Variants in HCFC1R1 observed in about 807,000 individuals in gnomAD.
The protein encoded by HCFC1R1 is host cell factor C1 regulator 1.
HCFC1R1 carries 17 observed loss-of-function variants against 13.3 expected under a neutral mutation model. The observed-to-expected ratio is 1.28, with a 90% CI of 0.87 to 1.91. HCFC1R1 has a LOEUF of 1.91. Ranked by LOEUF, HCFC1R1 falls within the 40% of genes most tolerant of loss-of-function variation. The pLI is 0.00. For missense variants in HCFC1R1, 218 were observed against 177.9 expected, an observed-to-expected ratio of 1.23 and a Z score of -1.28; for synonymous variants, 87 against 71.1, an observed-to-expected ratio of 1.22 and a Z score of -1.12.
At chr16:3,023,592 G>T in intron 1 of HCFC1R1, 62 bp from the exon 2 acceptor site, 2 of 1,482,296 alleles carry the variant, frequency 1.3e-6, no homozygotes, top group South Asian at 1.3e-5. Context: ...GGATCTGCCC[G>T]CCTAAGCCTG....
chr16:3,024,105 G>A (rs1356721680), upstream of HCFC1R1: 5 of 710,736 alleles, frequency 7.0e-6, no homozygotes, highest in Middle Eastern at 3.7e-4. Flanking sequence ...GCTCCTCGGG[G>A]TGGGGGAGGG....
upstream of HCFC1R1, chr16:3,024,269 G>A (rs371546709): frequency 1.9e-6 from 3 of 1,610,602 alleles, no homozygotes; most frequent in South Asian, 2.2e-5. Flanking sequence ...CTCTAGGCAC[G>A]TAAGGCCTCG....
chr16:3,023,719 C>G, intron 1 of HCFC1R1, 128 bp downstream of exon 1: 1 of 1,029,152 alleles, frequency 9.7e-7, no homozygotes, highest in South Asian at 1.5e-5. Context: ...AGCCCCAGTC[C>G]CATCTCAGCT....
chr16:3,022,988 A>G lies in HCFC1R1; in HGVS notation c.292T>C (p.Ser98Pro), dbSNP rs779183106. The G allele has an allele frequency of 1.4e-5, 23 of 1,598,662 alleles. No individual in the cohort carries two copies. Among genetic ancestry groups the G allele is most frequent in the Non-Finnish European group, 1.6e-5 (19 of 1,175,460 alleles). Residue 98 changes from serine to proline, a missense_variant, in exon 4 of 4, where the codon TCT (serine) becomes CCT (proline). Ser to Pro is a moderately conservative substitution (Grantham distance 74, BLOSUM62 -1). Transcript: ENST00000248089. The stretch of plus-strand genomic sequence containing the variant: ...GGATAGCGCCAGAGAAGCAGCTCAG[A>G]GCAAGGGCTCCTAGAAGAGGAAATG... ...PALPPLRSPC[S>P]ELLLWRYPGS... is the part of the protein sequence containing the mutation.
intron 3 of HCFC1R1, 43 bp downstream of exon 3, chr16:3,023,190 C>A (rs374009310): frequency 5.9e-6 from 9 of 1,527,240 alleles, no homozygotes; most frequent in Non-Finnish European, 7.9e-6. Context: ...CTGTGAGGAC[C>A]GCCTGTGATT....
In HCFC1R1 at chr16:3,023,493, G is replaced by A; in HGVS notation, c.133C>T (p.Arg45Trp). Residue 45 changes from arginine (R) to tryptophan (W), a missense_variant, in exon 2 of 4, where the codon CGG (arginine) becomes TGG (tryptophan). Physicochemically the swap from Arg to Trp is moderately radical, Grantham distance 101. Transcript: ENST00000248089. ...LRGAVPMSTK[R>W]RLEEEQEPLR... The stretch of plus-strand genomic sequence containing the variant: ...ACTCACTGCTCCTCCTCCAGGCGCC[G>A]CTTGGTGCTCATGGGCACAGCTCCT... The A allele has an allele frequency of 6.2e-7, 1 of 1,611,890 alleles. No individual in the cohort carries two copies. The highest frequency in any genetic ancestry group is 8.5e-7 in the Non-Finnish European group (1 of 1,179,010).
At chr16:3,023,979 G>A (rs749059796), upstream of HCFC1R1, 2 of 1,450,582 alleles carry the variant, frequency 1.4e-6, no homozygotes, top group South Asian at 2.5e-5. Context: ...CTGGGCGACA[G>A]GGGAGGAGTC....
chr16:3,023,021 G>C (rs1277417925), intron 3 of HCFC1R1, 23 bp from the exon 4 acceptor site: 1 of 1,592,622 alleles, frequency 6.3e-7, no homozygotes, highest in Admixed American at 1.9e-5. Context: ...ATGACTGTCA[G>C]GGCATGGAGC....
At chr16:3,023,098 C>T (rs1457862779) in intron 3 of HCFC1R1, 100 bp from the exon 4 acceptor site, 24 of 1,527,324 alleles carry the variant, frequency 1.6e-5, no homozygotes, top group Non-Finnish European at 2.0e-5. Flanking sequence ...GTTCCCAGCA[C>T]TTTCCAAAGA....
At chr16:3,023,639 C>A in intron 1 of HCFC1R1, 109 bp from the exon 2 acceptor site, 3 of 1,309,972 alleles carry the variant, frequency 2.3e-6, no homozygotes, top group Non-Finnish European at 3.1e-6. Flanking sequence ...ATTCCTGTCT[C>A]AGCTGGTGCC....
chr16:3,024,162 G>A, upstream of HCFC1R1: 1 of 806,382 alleles, frequency 1.2e-6, no homozygotes, highest in Non-Finnish European at 2.0e-6. Context: ...TTAATGTCGG[G>A]GGTCTTCGCG....
In HCFC1R1 at chr16:3,022,898, G is replaced by C; in HGVS notation, c.382C>G (p.Pro128Ala). The C allele has an allele frequency of 1.3e-6, 2 of 1,557,032 alleles. No individual in the cohort carries two copies. Among genetic ancestry groups the C allele is most frequent in the Non-Finnish European group, 1.7e-6 (2 of 1,162,804 alleles). Residue 128 changes from proline (P) to alanine (A), a missense_variant, in exon 4 of 4, where the codon CCT (proline) becomes GCT (alanine). Coordinates refer to ENST00000248089, the MANE Select transcript of HCFC1R1 (RefSeq NM_017885.4). ...ATTATGTCCCCAGCTGGGGTTGCAG[G>C]GTAGGGGGGACTGGGGGTGTCCCCC... ...RLGDTPSPPYPATPAGDIMEL is the reference protein window; with the variant it reads ...RLGDTPSPPYAATPAGDIMEL
In HCFC1R1 at chr16:3,023,475, G is replaced by T; in HGVS notation, c.151C>A (p.Gln51Lys). Reference sequence around the variant, plus strand: ...GTCCCTCCCTGCCCCCAAACTCACTGCTCCTCCTCCAGGCGCCGCTTGGTG... The same window carrying T: ...GTCCCTCCCTGCCCCCAAACTCACTTCTCCTCCTCCAGGCGCCGCTTGGTG... ...MSTKRRLEEE[Q>K]EPLRKQFLSE... Residue 51 changes from glutamine (Q) to lysine (K), a missense_variant and splice_region_variant, in exon 2 of 4, where the codon CAG (glutamine) becomes AAG (lysine). Physicochemically the swap from Gln to Lys is moderately conservative, Grantham distance 53. Coordinates refer to ENST00000248089, the MANE Select transcript of HCFC1R1 (RefSeq NM_017885.4). The T allele has an allele frequency of 1.2e-6, 2 of 1,613,036 alleles. No homozygotes were observed. Among genetic ancestry groups the T allele is most frequent in the Non-Finnish European group, 1.7e-6 (2 of 1,179,518 alleles).
chr16:3,023,347 T>C lies in HCFC1R1; in HGVS notation c.167A>G (p.Lys56Arg). ...CATGTTCTCCTCAGACAGAAACTGC[T>C]TGCGCAGAGGCTCCCTGGGGAGAGA... ...RLEEEQEPLR[K>R]QFLSEENMAT... The change falls in exon 3 of 4, where the codon AAG becomes AGG. Residue 56 changes from lysine (K) to arginine (R), a missense_variant. Lys to Arg is a conservative substitution (Grantham distance 26). Transcript: ENST00000248089. 6.2e-7 allele frequency: 1 copy of C among 1,607,928 alleles called. No individual in the cohort carries two copies. The highest frequency in any genetic ancestry group is 1.1e-5 in the South Asian group (1 of 90,650).
intron 2 of HCFC1R1, 53 bp from the exon 3 acceptor site, chr16:3,023,414 T>C: frequency 1.2e-6 from 2 of 1,613,824 alleles, no homozygotes; most frequent in Non-Finnish European, 1.7e-6. Flanking sequence ...GGAGGCAGCC[T>C]GTTGGGGACC....
Position 3,023,899 on chromosome 16 carries a change from C to T in HCFC1R1, c.43G>A (p.Ala15Thr). Residue 15 changes from alanine (A) to threonine (T), a missense_variant, in exon 1 of 4, where the codon GCC (alanine) becomes ACC (threonine). Transcript: ENST00000248089. ...QPLQRGPQGG[A>T]QRLPRAALGV... ...AAGGCGGCCCGCGGGAGGCGCTGGG[C>T]CCCTCCCTGGGGGCCTCGCTGCAAG... 3 of 1,557,814 alleles carry T rather than the reference C, an allele frequency of 1.9e-6. No homozygotes were observed. Among genetic ancestry groups the T allele is most frequent in the Non-Finnish European group, 1.7e-6 (2 of 1,155,320 alleles).
upstream of HCFC1R1, chr16:3,024,285 T>G: frequency 6.2e-7 from 1 of 1,612,688 alleles, no homozygotes; most frequent in Non-Finnish European, 8.5e-7. Context: ...CCTCGTGAGG[T>G]TGCGTCGCGC....
At position 3,023,348 on chromosome 16, in the gene HCFC1R1, T is replaced by C. The variant is rs775471067; in HGVS notation, c.166A>G (p.Lys56Glu). The C allele has an allele frequency of 3.5e-5, 57 of 1,608,000 alleles. No homozygotes were observed. The highest frequency in any genetic ancestry group is 4.4e-5 in the Non-Finnish European group (52 of 1,176,076). ...ATGTTCTCCTCAGACAGAAACTGCTTGCGCAGAGGCTCCCTGGGGAGAGAT... is the reference window on the plus strand; with the variant it reads ...ATGTTCTCCTCAGACAGAAACTGCTCGCGCAGAGGCTCCCTGGGGAGAGAT... ...RLEEEQEPLR[K>E]QFLSEENMAT... The change falls in exon 3 of 4, where the codon AAG becomes GAG. Residue 56 changes from lysine to glutamate, a missense_variant. Coordinates refer to ENST00000248089, the MANE Select transcript of HCFC1R1 (RefSeq NM_017885.4).
chr16:3,023,756 C>A (rs954188986), intron 1 of HCFC1R1, 91 bp downstream of exon 1: 3 of 1,154,192 alleles, frequency 2.6e-6, no homozygotes, highest in Admixed American at 4.4e-5. Context: ...CGATTCGCCC[C>A]ACCCCGTATT....
Sources: allele counts gnomAD v4.1 joint callset, GRCh38; gene constraint gnomAD v4.1.1; transcripts MANE v1.5; gene names NCBI Gene and HGNC (gene_info 2026-07-23, HGNC 2026-07-21).